Variants in KAT6A observed in about 807,000 individuals in gnomAD.
KAT6A encodes the protein lysine acetyltransferase 6A, also known as histone acetyltransferase KAT6A.
Under a neutral mutation model 198.4 loss-of-function variants are expected in KAT6A, and 9 were observed. The ratio of observed to expected loss-of-function variants is 0.05; its 90% CI spans 0.03 to 0.08. KAT6A has a LOEUF of 0.08. Among genes scored for constraint, KAT6A ranks in the 10% least tolerant of loss-of-function variants. The probability of loss-of-function intolerance (pLI) is 1.00; values close to 1 mark genes in which losing one functional copy is unlikely to be tolerated. For synonymous variants in KAT6A, 890 were observed against 883.0 expected (o/e 1.01, Z -0.14); for missense variants, 2,077 against 2,509.9 (o/e 0.83, Z 3.69).
intron 1 of KAT6A, among the ~76,000 whole-genome samples, chr8:42,050,691 T>C (rs1802569734): frequency 6.6e-6 from 1 of 152,186 alleles, no homozygotes; most frequent in South Asian, 2.1e-4. Flanking sequence ...TTACTCCAAG[T>C]AAGCTCATTA....
intron 2 of KAT6A, among the ~76,000 whole-genome samples, chr8:42,028,596 T>C (rs1472110202): frequency 6.6e-6 from 1 of 152,220 alleles, no homozygotes; most frequent in Non-Finnish European, 1.5e-5. Flanking sequence ...TCTTGTTCCA[T>C]CCCTTCACTT....
Position 41,930,806 on chromosome 8 carries a change from A to G in KAT6A, c.*1399T>C, listed in dbSNP as rs776742531. The G allele has an allele frequency of 5.4e-6, 1 of 184,386 alleles. No individual in the cohort carries two copies. The highest frequency in any genetic ancestry group is 6.6e-5 in the Admixed American group (1 of 15,230). The allele number at this position is 184,386 out of a possible 1,614,324, so 11.4% of individuals were successfully genotyped here. ...AGAGAATGGGCAAACTGGTTGCACG[A>G]GAGAAAAGAGAATGGAGTTGGGAGC... On this transcript the variant is annotated 3_prime_UTR_variant, in exon 17 of 17. Transcript: ENST00000265713.
intron 2 of KAT6A, among the ~76,000 whole-genome samples, chr8:42,032,043 C>T (rs1057150562): frequency 1.3e-5 from 2 of 152,130 alleles, no homozygotes; most frequent in Non-Finnish European, 2.9e-5. Flanking sequence ...CGTTCTCCTG[C>T]CTCAGCCTCC....
intron 2 of KAT6A, among the ~76,000 whole-genome samples, chr8:42,042,484 C>T (rs1827715292): frequency 6.6e-6 from 1 of 151,700 alleles, no homozygotes; most frequent in African/African-American, 2.4e-5. Flanking sequence ...AGTATCTCTA[C>T]ATCGAAAATT....
intron 13 of KAT6A, among the ~76,000 whole-genome samples, chr8:41,943,452 T>G (rs1440608952): frequency 6.6e-6 from 1 of 152,212 alleles, no homozygotes. Flanking sequence ...GAGTGGTTAC[T>G]TCTTGTATTG....
At chr8:41,967,872 G>A (rs1417142293) in intron 8 of KAT6A, among the ~76,000 whole-genome samples, 1 of 152,040 alleles carries the variant, frequency 6.6e-6, no homozygotes, top group Admixed American at 6.6e-5. Context: ...AAGCAATGGG[G>A]AAAGGATTCC....
chr8:41,977,723 C>T (rs934655207), intron 6 of KAT6A, among the ~76,000 whole-genome samples: 4 of 152,178 alleles, frequency 2.6e-5, no homozygotes, highest in African/African-American at 9.7e-5. Flanking sequence ...GTGATCTCTG[C>T]ACCAACTGAA....
intron 8 of KAT6A, among the ~76,000 whole-genome samples, chr8:41,966,412 A>AT (rs1210314189): frequency 6.6e-6 from 1 of 152,122 alleles, no homozygotes; most frequent in Non-Finnish European, 1.5e-5. Context: ...ATGTAACACA[A>AT]TACAGTACAT....
At chr8:42,016,337 T>C (rs976748337) in intron 2 of KAT6A, among the ~76,000 whole-genome samples, 2 of 152,242 alleles carry the variant, frequency 1.3e-5, no homozygotes, top group South Asian at 4.1e-4. Flanking sequence ...AAAATTACTA[T>C]TAAATGCAGG....
intron 14 of KAT6A, chr8:41,942,355 C>T (rs755764414): frequency 2.0e-4 from 47 of 240,202 alleles, no homozygotes; most frequent in Non-Finnish European, 4.9e-5. Context: ...CTATATTTCC[C>T]TGGTTGTCCT....
At chr8:42,042,929 T>G (rs553416266) in intron 2 of KAT6A, among the ~76,000 whole-genome samples, 1 of 152,130 alleles carries the variant, frequency 6.6e-6, no homozygotes, top group African/African-American at 2.4e-5. Flanking sequence ...TGAAAGGAAA[T>G]TGAATCTTTC....
At chr8:41,957,857 T>C (rs1022479900) in intron 8 of KAT6A, 3 of 152,682 alleles carry the variant, frequency 2.0e-5, no homozygotes, top group Admixed American at 6.5e-5. Context: ...GTTTGTAACA[T>C]AAAAAAGGCC....
chr8:42,016,706 A>G (rs1826287264), intron 2 of KAT6A, among the ~76,000 whole-genome samples: 1 of 152,146 alleles, frequency 6.6e-6, no homozygotes, highest in African/African-American at 2.4e-5. Context: ...GCTTTACTAT[A>G]AAGAGAGGAG....
At position 41,930,534 on chromosome 8, in the gene KAT6A, A is replaced by G; in HGVS notation, c.*1671T>C. On this transcript the variant is annotated 3_prime_UTR_variant, in exon 17 of 17. Coordinates refer to ENST00000265713, the MANE Select transcript of KAT6A (RefSeq NM_006766.5). Reference sequence around the variant, plus strand: ...TGCCTAATTAGTACTTTAAAAATTTATCTATATAAAATGTACAAATAAAGG... The same window carrying G: ...TGCCTAATTAGTACTTTAAAAATTTGTCTATATAAAATGTACAAATAAAGG... 5.1e-6 allele frequency: 1 copy of G among 194,534 alleles called. No individual in the cohort carries two copies. Among genetic ancestry groups the G allele is most frequent in the Non-Finnish European group, 1.1e-5 (1 of 93,712 alleles). The allele number at this position is 194,534 out of a possible 1,614,324, so 12.1% of individuals were successfully genotyped here. A position where few individuals can be genotyped will look rare whatever the true frequency, so the allele number is the denominator to read the frequency against.
chr8:41,976,778 T>C (rs1407808328), intron 7 of KAT6A, among the ~76,000 whole-genome samples: 1 of 152,216 alleles, frequency 6.6e-6, no homozygotes, highest in Non-Finnish European at 1.5e-5. Context: ...AAAAGCAGCT[T>C]CCTTTTGCCT....
At chr8:41,959,318 T>G (rs1430347939) in intron 8 of KAT6A, among the ~76,000 whole-genome samples, 1 of 152,182 alleles carries the variant, frequency 6.6e-6, no homozygotes, top group Admixed American at 6.5e-5. Context: ...CCCATTAGGA[T>G]GGTTATTATT....
chr8:42,032,871 CTTTT>C (rs1163323345), intron 2 of KAT6A, among the ~76,000 whole-genome samples: 9 of 76,536 alleles, frequency 1.2e-4, no homozygotes, highest in East Asian at 4.1e-4. Context: ...AAAACCTTGG[CTTTT>C]TTTTTTTTTT....
At chr8:41,987,805 A>G (rs1406541092) in intron 2 of KAT6A, among the ~76,000 whole-genome samples, 1 of 152,230 alleles carries the variant, frequency 6.6e-6, no homozygotes, top group Admixed American at 6.5e-5. Flanking sequence ...AGTCATGTTC[A>G]TCACTTAGAA....
chr8:41,956,018 T>C (rs1039311306), intron 8 of KAT6A, among the ~76,000 whole-genome samples: 32 of 152,230 alleles, frequency 2.1e-4, no homozygotes, highest in African/African-American at 7.2e-4. Flanking sequence ...CTCTGTTATA[T>C]ACAGACCTTC....
Sources: gnomAD v4.1 joint callset for allele counts (sites outside exome capture counted in the v4.1 genomes callset) on GRCh38, gnomAD v4.1.1 for gene constraint, MANE v1.5 for transcripts, NCBI Gene and HGNC (gene_info 2026-07-23, HGNC 2026-07-21) for gene names.